Variants in ESD observed in about 807,000 individuals in gnomAD.
The protein encoded by ESD is esterase D.
Under a neutral mutation model 38.1 loss-of-function variants are expected in ESD, and 34 were observed. The observed-to-expected ratio is 0.89, with a 90% CI of 0.68 to 1.19. The LOEUF is 1.19. Among genes scored for constraint, ESD ranks in the 50% most tolerant of loss-of-function variants. ESD has a pLI of 0.00. For missense variants in ESD, 334 were observed against 327.2 expected (o/e 1.02, Z -0.16); for synonymous variants, 97 against 107.0 (o/e 0.91, Z 0.58).
At chr13:46,792,969 T>C (rs183764126) in intron 2 of ESD, among the ~76,000 whole-genome samples, 3 of 152,216 alleles carry the variant, frequency 2.0e-5, no homozygotes, top group East Asian at 1.9e-4. Context: ...ATCTGGTACA[T>C]AGGAGTCTGT....
At chr13:46,788,595 G>A (rs1218981010) in intron 3 of ESD, among the ~76,000 whole-genome samples, 1 of 148,562 alleles carries the variant, frequency 6.7e-6, no homozygotes, top group African/African-American at 2.5e-5. Flanking sequence ...TTTAAAAGAG[G>A]ACCTTTCTCA....
At chr13:46,782,282 T>G (rs1393014279) in intron 6 of ESD, among the ~76,000 whole-genome samples, 18 of 151,776 alleles carry the variant, frequency 1.2e-4, no homozygotes, top group Admixed American at 1.1e-3. Flanking sequence ...TCATATAAAA[T>G]TCAGAAAATG....
intron 1 of ESD, among the ~76,000 whole-genome samples, chr13:46,795,214 T>C (rs1875532648): frequency 1.3e-5 from 2 of 152,226 alleles, no homozygotes; most frequent in South Asian, 4.1e-4. Flanking sequence ...ACTTAGCCTC[T>C]TCCTTTCTTC....
intron 9 of ESD, chr13:46,776,662 C>T (rs974606020): frequency 6.6e-6 from 1 of 152,084 alleles, no homozygotes; most frequent in African/African-American, 2.4e-5. Flanking sequence ...TAATGTACCA[C>T]ATTACACACT....
chr13:46,786,734 G>C lies in ESD; in HGVS notation c.157+287C>G, dbSNP rs112487420. Among the ~76,000 whole-genome samples the C allele has an allele frequency of 6.4e-3, 980 of 152,020 alleles. 9 individuals carry two copies. The highest frequency in any genetic ancestry group is 0.052 in the South Asian group (249 of 4,820). ...CTCTATAAACTCCAGAAATGCTTGG[G>C]TAGGTCCAAATTAAGTAAATAAGTT... On this transcript the variant is annotated intron_variant, in intron 4 of 9. Coordinates refer to ENST00000378720, the MANE Select transcript of ESD (RefSeq NM_001984.2).
chr13:46,783,552 A>ATCTT (rs10661537), intron 5 of ESD, among the ~76,000 whole-genome samples: 107,954 of 151,364 alleles, frequency 0.71, 40,216 homozygotes, highest in African/African-American at 0.93. Flanking sequence ...CCTTTTATAT[A>ATCTT]TCTATTTTCG....
chr13:46,795,522 C>T (rs1875542298), intron 1 of ESD, among the ~76,000 whole-genome samples: 1 of 152,232 alleles, frequency 6.6e-6, no homozygotes, highest in Admixed American at 6.5e-5. Flanking sequence ...TCATCACCCC[C>T]TGGCTGCTGC....
chr13:46,772,329 G>A (rs540164189), intron 9 of ESD, among the ~76,000 whole-genome samples: 153 of 151,816 alleles, frequency 1.0e-3, no homozygotes, highest in African/African-American at 3.7e-3. Context: ...TAGGTAAATG[G>A]AGAAATAATC....
At chr13:46,780,951 T>TGCACAGTA (rs1035401145) in intron 7 of ESD, among the ~76,000 whole-genome samples, 1 of 151,780 alleles carries the variant, frequency 6.6e-6, no homozygotes, top group African/African-American at 2.4e-5. Flanking sequence ...CATGCTGTTC[T>TGCACAGTA]GCACAGTATG....
At position 46,777,578 on chromosome 13, in the gene ESD, G is replaced by T. The variant is rs1462276590; in HGVS notation, c.646C>A (p.Leu216Met). The T allele has an allele frequency of 6.2e-7, 1 of 1,610,194 alleles. No homozygotes were observed. ...TTCCCTTGATCAATTAGTATGTCCA[G>T]CTGAGATCCTGGATAGGATTTCACA... ...HLVKSYPGSQLDILIDQGKDD... is the reference protein window; with the variant it reads ...HLVKSYPGSQMDILIDQGKDD... The change falls in exon 9 of 10, where the codon CTG becomes ATG. Residue 216 changes from leucine to methionine, a missense_variant. By Grantham distance (15) the Leu-to-Met change is conservative. Transcript: ENST00000378720.
In ESD at chr13:46,784,336, C is replaced by G; in HGVS notation, c.172G>C (p.Glu58Gln). ...CCAGATTTTGATATAAAATTTTGCT[C>G]TGTGCAAGTTAAACCTGAAGATAAA... ...LYWLSGLTCT[E>Q]QNFISKSGYH... is the part of the protein sequence containing the mutation. Residue 58 changes from glutamate (E) to glutamine (Q), a missense_variant, in exon 5 of 10, where the codon GAG becomes CAG. Glu to Gln is a conservative substitution (Grantham distance 29). Coordinates refer to ENST00000378720, the MANE Select transcript of ESD (RefSeq NM_001984.2). 2 of 1,610,012 alleles carry G rather than the reference C, an allele frequency of 1.2e-6. No individual in the cohort carries two copies. Among genetic ancestry groups the G allele is most frequent in the South Asian group, 2.2e-5 (2 of 90,976 alleles).
At chr13:46,775,154 A>G (rs1163519377) in intron 9 of ESD, among the ~76,000 whole-genome samples, 2 of 152,078 alleles carry the variant, frequency 1.3e-5, no homozygotes, top group African/African-American at 2.4e-5. Context: ...TCTGTACACT[A>G]GATATCAGAA....
chr13:46,773,309 G>A (rs149789153), intron 9 of ESD, among the ~76,000 whole-genome samples: 41 of 152,232 alleles, frequency 2.7e-4, no homozygotes, highest in Non-Finnish European at 4.6e-4. Context: ...CTAGGTCTGC[G>A]GAATCACCAC....
Position 46,771,348 on chromosome 13 carries a change from T to TTTTTTA in ESD, c.*67_*68insTAAAAA. 1 of 992,044 alleles carries TTTTTTA rather than the reference T, an allele frequency of 1.0e-6. No individual in the cohort carries two copies. The highest frequency in any genetic ancestry group is 1.5e-6 in the Non-Finnish European group (1 of 670,484). 61.5% of individuals were successfully genotyped at this position (992,044 alleles called of 1,614,324 possible). A position where few individuals can be genotyped will look rare whatever the true frequency, so the allele number is the denominator to read the frequency against. On this transcript the variant is annotated 3_prime_UTR_variant, in exon 10 of 10. Coordinates refer to ENST00000378720, the MANE Select transcript of ESD (RefSeq NM_001984.2). ...CAATGTTTTGAATTTTTTTTTTTTTTGCTCAGCAATACAGTTGCATTTTAC... is the reference window on the plus strand; with the variant it reads ...CAATGTTTTGAATTTTTTTTTTTTTTTTTTTAGCTCAGCAATACAGTTGCATTTTAC...
chr13:46,777,440 G>A lies in ESD; in HGVS notation c.768+16C>T. 1 of 1,585,508 alleles carries A rather than the reference G, an allele frequency of 6.3e-7. No individual in the cohort carries two copies. The highest frequency in any genetic ancestry group is 8.6e-7 in the Non-Finnish European group (1 of 1,163,026). On this transcript the variant is annotated intron_variant, in intron 9 of 9. Coordinates refer to ENST00000378720, the MANE Select transcript of ESD (RefSeq NM_001984.2). ...GTTACATTATCTAGATCAAGCTAAA[G>A]TTTCCTAATACTTGCCTCTTGCAAT...
intron 3 of ESD, 37 bp from the exon 4 acceptor site, chr13:46,787,146 C>T: frequency 8.3e-7 from 1 of 1,199,628 alleles, no homozygotes; most frequent in Non-Finnish European, 1.2e-6. Flanking sequence ...ATATTAATGC[C>T]CCTCATTAAT....
At chr13:46,789,688 T>C (rs1024251665) in intron 3 of ESD, among the ~76,000 whole-genome samples, 1 of 152,258 alleles carries the variant, frequency 6.6e-6, no homozygotes, top group Non-Finnish European at 1.5e-5. Flanking sequence ...CTAATTTTGT[T>C]GTCCTTTCTG....
In ESD at chr13:46,771,334, ATTT is replaced by A. The variant is rs199682790; in HGVS notation, c.*79_*81del. On this transcript the variant is annotated 3_prime_UTR_variant, in exon 10 of 10. Coordinates refer to ENST00000378720, the MANE Select transcript of ESD (RefSeq NM_001984.2). ...AGCACTATAAAATCCAATGTTTTGAATTTTTTTTTTTTTTGCTCAGCAATACAG... is the reference window on the plus strand; with the variant it reads ...AGCACTATAAAATCCAATGTTTTGAATTTTTTTTTTTGCTCAGCAATACAG... 174 of 707,908 alleles carry A rather than the reference ATTT, an allele frequency of 2.5e-4. No individual in the cohort carries two copies. The highest frequency in any genetic ancestry group is 3.1e-4 in the South Asian group (14 of 44,942). 43.9% of individuals were successfully genotyped at this position (707,908 alleles called of 1,614,324 possible). A position where few individuals can be genotyped will look rare whatever the true frequency, so the allele number is the denominator to read the frequency against.
At position 46,780,937 on chromosome 13, in the gene ESD, G is replaced by A. The variant is rs141358513; in HGVS notation, c.501+559C>T. Among the ~76,000 whole-genome samples the A allele has an allele frequency of 1.1e-3, 163 of 151,756 alleles. 1 individual carries two copies. The highest frequency in any genetic ancestry group is 3.8e-3 in the African/African-American group (157 of 41,472). On this transcript the variant is annotated intron_variant, in intron 7 of 9. Transcript: ENST00000378720. ...TTTAACACTTCCTTATTCAACTCTT[G>A]TAACATGCTGTTCTGCACAGTATGA...
Sources: allele counts gnomAD v4.1 joint callset (sites outside exome capture counted in the v4.1 genomes callset), GRCh38; gene constraint gnomAD v4.1.1; transcripts MANE v1.5; gene names NCBI Gene and HGNC (gene_info 2026-07-23, HGNC 2026-07-21).